The following TFEC variants were observed in gnomAD, a reference collection of about 807,000 sequenced individuals.
TFEC encodes transcription factor EC.
In TFEC, 31 loss-of-function variants were observed where a neutral mutation model predicts 41.6. The ratio of observed to expected loss-of-function variants is 0.74; its 90% CI spans 0.56 to 1.01. TFEC has a LOEUF of 1.01. TFEC is among the 50% of genes least tolerant of loss of function. The pLI is 0.00. For synonymous variants in TFEC, 143 were observed against 140.6 expected (o/e 1.02, Z -0.12); for missense variants, 402 against 404.1 (o/e 0.99, Z 0.04).
intron 1 of TFEC, among the ~76,000 whole-genome samples, chr7:116,014,835 T>C (rs1161524560): frequency 1.3e-5 from 2 of 152,050 alleles, no homozygotes; most frequent in African/African-American, 4.8e-5. Context: ...GAAGTAGGTA[T>C]CAGAGTGATG....
chr7:116,104,451 A>G (rs1400262516), intron 3 of TFEC, among the ~76,000 whole-genome samples: 1 of 152,208 alleles, frequency 6.6e-6, no homozygotes, highest in Non-Finnish European at 1.5e-5. Context: ...TAAAATTAGC[A>G]TAAGCATGGC....
chr7:116,076,527 A>T (rs1193731155), intron 3 of TFEC, among the ~76,000 whole-genome samples: 1 of 152,028 alleles, frequency 6.6e-6, no homozygotes, highest in Non-Finnish European at 1.5e-5. Context: ...CAAAAACATG[A>T]TACAGGATAT....
intron 1 of TFEC, among the ~76,000 whole-genome samples, chr7:116,128,888 A>C (rs371803368): frequency 6.6e-6 from 1 of 152,344 alleles, no homozygotes; most frequent in East Asian, 1.9e-4. Flanking sequence ...AGAGGTAGAT[A>C]CATTTGCTAA....
intron 1 of TFEC, among the ~76,000 whole-genome samples, chr7:116,001,947 G>C (rs1794615437): frequency 1.3e-5 from 2 of 152,164 alleles, no homozygotes; most frequent in South Asian, 4.1e-4. Context: ...GATCATCAGA[G>C]AAATGCAAAT....
upstream of TFEC, among the ~76,000 whole-genome samples, chr7:116,032,711 C>A (rs1240271705): frequency 1.3e-5 from 2 of 151,890 alleles, no homozygotes; most frequent in African/African-American, 2.4e-5. Flanking sequence ...GTGAGAGGAT[C>A]AGGAAAAATA....
intron 1 of TFEC, among the ~76,000 whole-genome samples, chr7:115,999,660 C>G (rs1794511664): frequency 6.6e-6 from 1 of 151,766 alleles, no homozygotes; most frequent in African/African-American, 2.4e-5. Flanking sequence ...ACTGATATCA[C>G]AGACATTCAA....
intron 7 of TFEC, 153 bp downstream of exon 7, chr7:115,941,740 C>T (rs573466386): frequency 2.1e-5 from 20 of 968,618 alleles, no homozygotes; most frequent in Non-Finnish European, 3.0e-5. Flanking sequence ...TGAAACAACC[C>T]AATTCACGAA....
intron 4 of TFEC, among the ~76,000 whole-genome samples, chr7:115,955,028 G>GA (rs1277603605): frequency 6.6e-6 from 1 of 151,908 alleles, no homozygotes; most frequent in East Asian, 1.9e-4. Context: ...ATTATTTTCA[G>GA]AATTTTGAGA....
intron 2 of TFEC, among the ~76,000 whole-genome samples, chr7:115,975,339 A>G (rs1389805417): frequency 6.6e-6 from 1 of 152,142 alleles, no homozygotes; most frequent in Non-Finnish European, 1.5e-5. Flanking sequence ...TATTTATATA[A>G]CTACAGTACT....
chr7:115,937,869 T>C lies in TFEC; in HGVS notation c.*2682A>G, dbSNP rs1471482519. On this transcript the variant is annotated 3_prime_UTR_variant, in exon 8 of 8. Transcript: ENST00000265440. Reference sequence around the variant, plus strand: ...TGTGAATTATTGTCCATATAAACAGTTCTATACTTTTCTAGGGAGAGGGTC... The same window carrying C: ...TGTGAATTATTGTCCATATAAACAGCTCTATACTTTTCTAGGGAGAGGGTC... 1 of 151,820 alleles carries C rather than the reference T, an allele frequency of 6.6e-6. No homozygotes were observed. The highest frequency in any genetic ancestry group is 1.5e-5 in the Non-Finnish European group (1 of 67,816). The allele number at this position is 151,820 out of a possible 1,614,324, so 9.4% of individuals were successfully genotyped here.
chr7:115,998,458 A>T (rs1435626061), intron 1 of TFEC, among the ~76,000 whole-genome samples: 1 of 152,020 alleles, frequency 6.6e-6, no homozygotes, highest in African/African-American at 2.4e-5. Context: ...ACAAAATGCA[A>T]GAGTACTTTC....
chr7:116,113,046 A>G (rs1360230962), intron 1 of TFEC, among the ~76,000 whole-genome samples: 1 of 151,950 alleles, frequency 6.6e-6, no homozygotes, highest in Non-Finnish European at 1.5e-5. Flanking sequence ...AGGGAGCTGG[A>G]CTCAAGAGAG....
At chr7:116,086,610 A>G (rs1309131765) in intron 3 of TFEC, among the ~76,000 whole-genome samples, 2 of 151,706 alleles carry the variant, frequency 1.3e-5, no homozygotes, top group South Asian at 4.1e-4. Flanking sequence ...GCTATAAGAC[A>G]CCACATTTAC....
chr7:115,968,829 C>G (rs772504938), intron 3 of TFEC, among the ~76,000 whole-genome samples: 3 of 151,850 alleles, frequency 2.0e-5, no homozygotes, highest in Non-Finnish European at 4.4e-5. Flanking sequence ...CATTCATTAA[C>G]TATATGAACT....
At chr7:115,996,429 C>T (rs1329602482) in intron 1 of TFEC, among the ~76,000 whole-genome samples, 1 of 151,982 alleles carries the variant, frequency 6.6e-6, no homozygotes, top group Non-Finnish European at 1.5e-5. Flanking sequence ...AGCAGTACTA[C>T]CCAGGCAGTA....
At chr7:116,083,100 C>A (rs908229032) in intron 3 of TFEC, among the ~76,000 whole-genome samples, 1 of 151,512 alleles carries the variant, frequency 6.6e-6, no homozygotes. Flanking sequence ...TTAAGTACTA[C>A]GAAAATATTT....
chr7:115,956,868 A>G, intron 3 of TFEC, 75 bp from the exon 4 acceptor site: 5 of 849,782 alleles, frequency 5.9e-6, no homozygotes, highest in Non-Finnish European at 8.2e-6. Flanking sequence ...TATATATTAC[A>G]TTTTCCACTT....
At chr7:116,007,655 A>C (rs1375599465) in intron 1 of TFEC, among the ~76,000 whole-genome samples, 2 of 152,204 alleles carry the variant, frequency 1.3e-5, no homozygotes, top group South Asian at 4.1e-4. Context: ...TACTAGGTGA[A>C]TAACAGTAGA....
chr7:116,053,055 G>A (rs1399547486), intron 3 of TFEC, among the ~76,000 whole-genome samples: 1 of 151,960 alleles, frequency 6.6e-6, no homozygotes, highest in Admixed American at 6.5e-5. Context: ...ATGGGCGACG[G>A]AGCGAGACTC....
Sources: gnomAD v4.1 joint callset for allele counts (sites outside exome capture counted in the v4.1 genomes callset) on GRCh38, gnomAD v4.1.1 for gene constraint, MANE v1.5 for transcripts, NCBI Gene and HGNC (gene_info 2026-07-23, HGNC 2026-07-21) for gene names.